WWOX: variants seen among roughly 807,000 people sequenced by gnomAD.
The protein encoded by WWOX is WW domain-containing oxidoreductase.
WWOX carries 69 observed loss-of-function variants against 46.2 expected under a neutral mutation model. The observed-to-expected ratio is 1.49, with a 90% CI of 1.23 to 1.82. The LOEUF is 1.82. WWOX is among the 40% of genes most tolerant of loss of function. The pLI is 0.00. For missense variants in WWOX, 919 were observed against 542.6 expected, an observed-to-expected ratio of 1.69 and a Z score of -6.89; for synonymous variants, 359 against 202.6, an observed-to-expected ratio of 1.77 and a Z score of -6.56.
chr16:79,211,201 G>A (rs1314240114), intron 8 of WWOX, among the ~76,000 whole-genome samples: 1 of 152,164 alleles, frequency 6.6e-6, no homozygotes, highest in East Asian at 1.9e-4. Flanking sequence ...TCAGACAGAA[G>A]GTTCTACAAA....
At chr16:78,855,657 T>C (rs536502092) in intron 8 of WWOX, among the ~76,000 whole-genome samples, 1 of 152,234 alleles carries the variant, frequency 6.6e-6, no homozygotes, top group Non-Finnish European at 1.5e-5. Flanking sequence ...TCTCCCAGTT[T>C]CCAGCCTGTA....
chr16:79,010,900 G>C (rs1213358744), intron 8 of WWOX, among the ~76,000 whole-genome samples: 1 of 152,026 alleles, frequency 6.6e-6, no homozygotes, highest in East Asian at 1.9e-4. Context: ...GGCAGACGGG[G>C]TCATGTTGTG....
intron 8 of WWOX, among the ~76,000 whole-genome samples, chr16:78,688,910 G>C (rs1424735828): frequency 6.6e-6 from 1 of 152,080 alleles, no homozygotes. Context: ...GGTTTTATAC[G>C]ATGCTTTTCC....
At chr16:79,158,124 TC>T (rs758953714) in intron 8 of WWOX, among the ~76,000 whole-genome samples, 1 of 152,122 alleles carries the variant, frequency 6.6e-6, no homozygotes, top group Non-Finnish European at 1.5e-5. Context: ...ACAGCATGGT[TC>T]CCACAAGAGA....
At chr16:78,940,680 T>A (rs1194672782) in intron 8 of WWOX, among the ~76,000 whole-genome samples, 2 of 151,624 alleles carry the variant, frequency 1.3e-5, no homozygotes, top group East Asian at 3.9e-4. Context: ...TTAACTTTTT[T>A]TTTTTTTTTC....
chr16:78,101,111 G>C (rs2031748160), intron 1 of WWOX, among the ~76,000 whole-genome samples: 1 of 151,336 alleles, frequency 6.6e-6, no homozygotes, highest in African/African-American at 2.4e-5. Flanking sequence ...GCAGCGGCGC[G>C]ATCTCGGCTC....
chr16:78,443,415 C>T (rs779364173), intron 8 of WWOX, among the ~76,000 whole-genome samples: 1 of 152,140 alleles, frequency 6.6e-6, no homozygotes, highest in African/African-American at 2.4e-5. Flanking sequence ...AGATTTTAAG[C>T]CCTCCAGTTG....
chr16:79,136,916 G>A (rs1056721858), intron 8 of WWOX, among the ~76,000 whole-genome samples: 48 of 152,204 alleles, frequency 3.2e-4, no homozygotes, highest in African/African-American at 1.1e-3. Context: ...GGAGGCAGTA[G>A]ATCAATCAAT....
intron 8 of WWOX, among the ~76,000 whole-genome samples, chr16:78,957,569 G>A (rs528458933): frequency 6.6e-6 from 1 of 152,234 alleles, no homozygotes; most frequent in East Asian, 1.9e-4. Context: ...TCTTTCTGGT[G>A]AAATACCCGT....
At chr16:78,979,714 G>A (rs2046644321) in intron 8 of WWOX, among the ~76,000 whole-genome samples, 1 of 152,152 alleles carries the variant, frequency 6.6e-6, no homozygotes, top group Non-Finnish European at 1.5e-5. Flanking sequence ...TGAGGCATGA[G>A]ATGCTGAAGA....
chr16:79,043,186 G>A (rs2048004252), intron 8 of WWOX, among the ~76,000 whole-genome samples: 1 of 151,832 alleles, frequency 6.6e-6, no homozygotes, highest in East Asian at 1.9e-4. Context: ...ATGGCCACAT[G>A]AGTGTTTTTT....
chr16:78,585,923 G>A (rs1051406573), intron 8 of WWOX, among the ~76,000 whole-genome samples: 2 of 151,948 alleles, frequency 1.3e-5, no homozygotes, highest in African/African-American at 2.4e-5. Flanking sequence ...GGTGATCAGC[G>A]TGGTGGCTCG....
chr16:78,632,426 C>T lies in WWOX; in HGVS notation c.1056+199674C>T, dbSNP rs552021239. On this transcript the variant is annotated intron_variant, in intron 8 of 8. Coordinates refer to ENST00000566780, the MANE Select transcript of WWOX (RefSeq NM_016373.4). Reference sequence around the variant, plus strand: ...CTTTCTTTTGGGCTTTCCTACTTAACGTCGCAGATGTTATTTTTTTGAAGA... The same window carrying T: ...CTTTCTTTTGGGCTTTCCTACTTAATGTCGCAGATGTTATTTTTTTGAAGA... Among the ~76,000 whole-genome samples, 26 of 152,070 alleles carry T rather than the reference C, an allele frequency of 1.7e-4. 1 individual carries two copies. The South Asian group carries it at 1.9e-3, about 11-fold the overall frequency.
chr16:78,864,430 G>A (rs1358608381), intron 8 of WWOX, among the ~76,000 whole-genome samples: 3 of 151,978 alleles, frequency 2.0e-5, no homozygotes, highest in Non-Finnish European at 4.4e-5. Flanking sequence ...ACCACACCCA[G>A]CTAAGTTTTG....
chr16:78,623,877 C>T (rs934078469), intron 8 of WWOX, among the ~76,000 whole-genome samples: 2 of 152,166 alleles, frequency 1.3e-5, no homozygotes, highest in Non-Finnish European at 2.9e-5. Flanking sequence ...TACAGAGTCA[C>T]ATATTGTATA....
At chr16:78,625,495 G>C (rs565143920) in intron 8 of WWOX, among the ~76,000 whole-genome samples, 2 of 152,028 alleles carry the variant, frequency 1.3e-5, no homozygotes, top group Non-Finnish European at 2.9e-5. Flanking sequence ...AACATCTTTA[G>C]ATTTAAAGAA....
At chr16:79,081,115 T>C (rs2048752705) in intron 8 of WWOX, among the ~76,000 whole-genome samples, 1 of 152,114 alleles carries the variant, frequency 6.6e-6, no homozygotes, top group African/African-American at 2.4e-5. Flanking sequence ...CCATCCCCTG[T>C]GTGGAGATAA....
intron 6 of WWOX, among the ~76,000 whole-genome samples, chr16:78,407,419 C>T (rs1460164049): frequency 6.6e-6 from 1 of 152,176 alleles, no homozygotes; most frequent in Non-Finnish European, 1.5e-5. Flanking sequence ...TTGAATCCCC[C>T]AAAGCCACAA....
At chr16:79,176,435 C>G (rs1007705254) in intron 8 of WWOX, among the ~76,000 whole-genome samples, 3 of 152,208 alleles carry the variant, frequency 2.0e-5, no homozygotes, top group Non-Finnish European at 4.4e-5. Context: ...GCCCTTTGCT[C>G]AGGAAGAAGA....
Sources: allele counts gnomAD v4.1 joint callset (sites outside exome capture counted in the v4.1 genomes callset), GRCh38; gene constraint gnomAD v4.1.1; transcripts MANE v1.5; gene names NCBI Gene and HGNC (gene_info 2026-07-23, HGNC 2026-07-21).